PPP3CB: variants seen among roughly 807,000 people sequenced by gnomAD.
PPP3CB encodes the protein serine/threonine-protein phosphatase 2B catalytic subunit beta isoform.
PPP3CB carries 8 observed loss-of-function variants against 66.4 expected under a neutral mutation model. The observed-to-expected ratio is 0.12, with a 90% CI of 0.07 to 0.22. PPP3CB has a LOEUF of 0.22. PPP3CB is among the 10% of genes least tolerant of loss of function. The probability of loss-of-function intolerance (pLI) is 1.00; values close to 1 mark genes in which losing one functional copy is unlikely to be tolerated. For missense variants in PPP3CB, 319 were observed against 642.5 expected (o/e 0.50, Z 5.44); for synonymous variants, 208 against 221.2 (o/e 0.94, Z 0.53).
At chr10:73,492,258 AACATATGCCCAAT>A (rs1266955106) in intron 1 of PPP3CB, among the ~76,000 whole-genome samples, 1 of 152,256 alleles carries the variant, frequency 6.6e-6, no homozygotes, top group African/African-American at 2.4e-5. Flanking sequence ...TGCTAAAATG[AACATATGCCCAAT>A]ACTGACAATG....
At chr10:73,440,707 T>C (rs2056130066) in intron 12 of PPP3CB, among the ~76,000 whole-genome samples, 6 of 152,232 alleles carry the variant, frequency 3.9e-5, no homozygotes, top group Admixed American at 3.9e-4. Flanking sequence ...CTACTGAGCA[T>C]CTTTTCAAAC....
rs780097349 is a variant in PPP3CB at position 73,470,884 on chromosome 10, T to C, written c.887+3A>G. On this transcript the variant is annotated splice_donor_region_variant and intron_variant, in intron 7 of 13. Transcript: ENST00000360663. ...ATTTGGGTCAGGGAAACAGAATTCTTACCCTGCATCTTGAGCTTCATGAGC... is the reference window on the plus strand; with the variant it reads ...ATTTGGGTCAGGGAAACAGAATTCTCACCCTGCATCTTGAGCTTCATGAGC... The C allele has an allele frequency of 1.2e-6, 2 of 1,611,420 alleles. No homozygotes were observed. The highest frequency in any genetic ancestry group is 1.7e-6 in the Non-Finnish European group (2 of 1,178,300).
chr10:73,491,022 G>GTTTTTTTTTTTTTTTT (rs528238766), intron 1 of PPP3CB, among the ~76,000 whole-genome samples: 38 of 40,908 alleles, frequency 9.3e-4, no homozygotes, highest in Non-Finnish European at 1.4e-3. Context: ...TGTTTTTATT[G>GTTTTTTTTTTTTTTTT]TTTTTTTTTT....
At chr10:73,442,308 T>C (rs144157093) in intron 12 of PPP3CB, among the ~76,000 whole-genome samples, 2 of 152,272 alleles carry the variant, frequency 1.3e-5, no homozygotes, top group Admixed American at 1.3e-4. Context: ...GGTTTCAAAG[T>C]TGAAGGAATG....
intron 10 of PPP3CB, among the ~76,000 whole-genome samples, chr10:73,451,798 T>C (rs956145861): frequency 6.8e-6 from 1 of 146,000 alleles, no homozygotes; most frequent in South Asian, 2.2e-4. Flanking sequence ...CAGGCTGGAG[T>C]GCAGTGGTGC....
At chr10:73,482,524 C>T (rs1167050605) in intron 1 of PPP3CB, among the ~76,000 whole-genome samples, 1 of 103,612 alleles carries the variant, frequency 9.7e-6, no homozygotes, top group Non-Finnish European at 1.7e-5. Flanking sequence ...GCCTGGGCGA[C>T]AGAGCGAGAC....
intron 9 of PPP3CB, among the ~76,000 whole-genome samples, chr10:73,459,445 C>T (rs952746373): frequency 6.6e-6 from 1 of 152,270 alleles, no homozygotes; most frequent in Non-Finnish European, 1.5e-5. Flanking sequence ...AAGATCGCGC[C>T]ACTGCGCTCC....
intron 2 of PPP3CB, among the ~76,000 whole-genome samples, 185 bp from the exon 3 acceptor site, chr10:73,478,808 A>G (rs1467145712): frequency 6.6e-6 from 1 of 152,240 alleles, no homozygotes; most frequent in Non-Finnish European, 1.5e-5. Flanking sequence ...CTCAAGATCT[A>G]GAAAAAGATG....
chr10:73,456,660 TC>T (rs1420179865), intron 9 of PPP3CB, among the ~76,000 whole-genome samples: 1 of 151,832 alleles, frequency 6.6e-6, no homozygotes, highest in Non-Finnish European at 1.5e-5. Flanking sequence ...TAAACTGCAC[TC>T]CCCCTACTGC....
chr10:73,451,071 C>T (rs551644940), intron 10 of PPP3CB, among the ~76,000 whole-genome samples: 9 of 151,890 alleles, frequency 5.9e-5, no homozygotes, highest in Non-Finnish European at 1.3e-4. Flanking sequence ...ATCATAGGTA[C>T]CTAAAACCAA....
At chr10:73,474,710 G>A (rs949817391) in intron 4 of PPP3CB, among the ~76,000 whole-genome samples, 1 of 152,110 alleles carries the variant, frequency 6.6e-6, no homozygotes, top group African/African-American at 2.4e-5. Context: ...AAAGTGCTGG[G>A]ATTACAGGCG....
At chr10:73,448,278 T>C (rs2056291460) in intron 10 of PPP3CB, among the ~76,000 whole-genome samples, 1 of 152,094 alleles carries the variant, frequency 6.6e-6, no homozygotes, top group African/African-American at 2.4e-5. Flanking sequence ...ACTGTACAAA[T>C]CAGGATTTTA....
intron 1 of PPP3CB, among the ~76,000 whole-genome samples, chr10:73,487,614 T>C (rs1360765417): frequency 8.2e-6 from 1 of 122,592 alleles, no homozygotes; most frequent in Admixed American, 8.1e-5. Flanking sequence ...TATTAAGAAA[T>C]GTTTACAGAA....
Position 73,479,432 on chromosome 10 carries a change from G to T in PPP3CB, c.171C>A (p.Asn57Lys). Residue 57 changes from asparagine (N) to lysine (K), a missense_variant, in exon 2 of 14, where the codon AAC (asparagine) becomes AAA (lysine). Asn to Lys is a moderately conservative substitution (Grantham distance 94, BLOSUM62 0). Coordinates refer to ENST00000360663, the MANE Select transcript of PPP3CB (RefSeq NM_021132.4). The part of the protein sequence containing the change: ...DGIPRVDVLK[N>K]HLVKEGRVDE... ...CTACTCGACCTTCTTTCACCAAGTG[G>T]TTCTTCAGAACATCAACCCTGGGTA... 1.2e-6 allele frequency: 2 copies of T among 1,614,054 alleles called. No individual in the cohort carries two copies. The highest frequency in any genetic ancestry group is 1.7e-6 in the Non-Finnish European group (2 of 1,179,972).
intron 9 of PPP3CB, among the ~76,000 whole-genome samples, chr10:73,456,493 A>G (rs752827647): frequency 6.6e-6 from 1 of 152,260 alleles, no homozygotes; most frequent in Non-Finnish European, 1.5e-5. Context: ...GTAGTCATTT[A>G]TCACAACAGA....
intron 9 of PPP3CB, among the ~76,000 whole-genome samples, chr10:73,460,270 A>G (rs2056500367): frequency 6.7e-6 from 1 of 150,308 alleles, no homozygotes. Flanking sequence ...AATAGCAAAA[A>G]AAAAAAAAAA....
At position 73,495,986 on chromosome 10, in the gene PPP3CB, G is replaced by A. The variant is rs1489370732; in HGVS notation, c.-97C>T. 1.3e-6 allele frequency: 1 copy of A among 746,616 alleles called. No individual in the cohort carries two copies. Among genetic ancestry groups the A allele is most frequent in the East Asian group, 3.5e-5 (1 of 28,854 alleles). The allele number at this position is 746,616 out of a possible 1,614,324, so 46.2% of individuals were successfully genotyped here. ...AGCGGCGGCGCCGCCGGGGAACATG[G>A]CGGACCCTCTTTCCCTACAGAGGGG... On this transcript the variant is annotated 5_prime_UTR_variant, in exon 1 of 14. Transcript: ENST00000360663.
In PPP3CB at chr10:73,467,582, G is replaced by A. The variant is rs1195485046; in HGVS notation, c.1079C>T (p.Thr360Met). 3 of 1,583,160 alleles carry A rather than the reference G, an allele frequency of 1.9e-6. No individual in the cohort carries two copies. The highest frequency in any genetic ancestry group is 2.3e-5 in the East Asian group (1 of 43,554). The change falls in exon 9 of 14, where the codon ACG (threonine) becomes ATG (methionine). Residue 360 changes from threonine to methionine, a missense_variant. This residue lies in a region of PPP3CB where 120 missense variants were observed against 331.2 expected (regional missense o/e 0.36). Coordinates refer to ENST00000360663, the MANE Select transcript of PPP3CB (RefSeq NM_021132.4). ...YWLPNFMDVF[T>M]WSLPFVGEKV... ...TTCTCCAACAAACGGTAAAGACCAC[G>A]TGAAGACATCCATAAAATTAGGCAA...
At chr10:73,474,199 C>G (rs960483586) in intron 4 of PPP3CB, among the ~76,000 whole-genome samples, 1 of 149,994 alleles carries the variant, frequency 6.7e-6, no homozygotes, top group Admixed American at 6.6e-5. Context: ...CATGTCACCA[C>G]GCCTGGCTAA....
Sources: allele counts gnomAD v4.1 joint callset (sites outside exome capture counted in the v4.1 genomes callset), GRCh38; gene constraint gnomAD v4.1.1; regional missense constraint gnomAD v4.1.1; transcripts MANE v1.5; gene names NCBI Gene and HGNC (gene_info 2026-07-23, HGNC 2026-07-21).